Variants in ALDH7A1 observed in about 807,000 individuals in gnomAD.
ALDH7A1 encodes aldehyde dehydrogenase 7 family member A1.
In ALDH7A1, 63 loss-of-function variants were observed where a neutral mutation model predicts 79.9. That is an observed-to-expected ratio of 0.79 (90% CI 0.64 to 0.97). ALDH7A1 has a LOEUF of 0.97. ALDH7A1 is among the 50% of genes least tolerant of loss of function. The pLI is 0.00. For missense variants in ALDH7A1, 627 were observed against 665.2 expected (o/e 0.94, Z 0.63); for synonymous variants, 240 against 231.2 (o/e 1.04, Z -0.34).
chr5:126,592,531 A>G, intron 3 of ALDH7A1, 133 bp downstream of exon 3: 4 of 860,046 alleles, frequency 4.7e-6, no homozygotes, highest in South Asian at 1.5e-5. Context: ...GCCCTAGTAC[A>G]GTATCACAGC....
intron 8 of ALDH7A1, chr5:126,570,300 T>C (rs7736031): frequency 0.3 from 56,774 of 187,470 alleles, 13,545 homozygotes; most frequent in African/African-American, 0.72. Flanking sequence ...CATGATTTTA[T>C]GGTACACGAA....
At chr5:126,548,051 CAA>C (rs528981711) in intron 16 of ALDH7A1, among the ~76,000 whole-genome samples, 1 of 115,984 alleles carries the variant, frequency 8.6e-6, no homozygotes. Flanking sequence ...GATTCCGTCT[CAA>C]AAAAAAAAAA....
At position 126,544,862 on chromosome 5, in the gene ALDH7A1, T is replaced by C; in HGVS notation, c.*103A>G. On this transcript the variant is annotated 3_prime_UTR_variant, in exon 18 of 18. Coordinates refer to ENST00000409134, the MANE Select transcript of ALDH7A1 (RefSeq NM_001182.5). ...ATAGGGGGATTAGTCACTGTCACAGTCATAATAATGCATTTATTCAGGGAA... is the reference window on the plus strand; with the variant it reads ...ATAGGGGGATTAGTCACTGTCACAGCCATAATAATGCATTTATTCAGGGAA... 1.1e-6 allele frequency: 1 copy of C among 914,082 alleles called. No homozygotes were observed. The highest frequency in any genetic ancestry group is 1.8e-6 in the Non-Finnish European group (1 of 560,664). The allele number at this position is 914,082 out of a possible 1,614,324, so 56.6% of individuals were successfully genotyped here. A position where few individuals can be genotyped will look rare whatever the true frequency, so the allele number is the denominator to read the frequency against.
intron 4 of ALDH7A1, 124 bp from the exon 5 acceptor site, chr5:126,583,098 T>C (rs1751229780): frequency 8.1e-7 from 1 of 1,234,332 alleles, no homozygotes; most frequent in Non-Finnish European, 1.2e-6. Context: ...GTCTGTTTCA[T>C]TTTCCAAAGA....
At chr5:126,567,982 AC>A in intron 9 of ALDH7A1, 2 of 365,368 alleles carry the variant, frequency 5.5e-6, no homozygotes, top group Non-Finnish European at 5.3e-6. Context: ...ATGGGGTTTC[AC>A]CGTGTTAGCC....
chr5:126,576,734 T>A (rs1284944398), intron 6 of ALDH7A1, among the ~76,000 whole-genome samples: 3 of 152,062 alleles, frequency 2.0e-5, no homozygotes. Flanking sequence ...AAAACCAGCC[T>A]GGCCAACATC....
At position 126,543,683 on chromosome 5, in the gene ALDH7A1, C is replaced by T. The variant is rs548608589; in HGVS notation, c.*1282G>A. 6 of 152,338 alleles carry T rather than the reference C, an allele frequency of 3.9e-5. No individual in the cohort carries two copies. The highest frequency in any genetic ancestry group is 1.9e-4 in the East Asian group (1 of 5,186). 9.4% of individuals were successfully genotyped at this position (152,338 alleles called of 1,614,324 possible). On this transcript the variant is annotated 3_prime_UTR_variant, in exon 18 of 18. Transcript: ENST00000409134. Reference sequence around the variant, plus strand: ...CTTGTTCAAAGGCCTCTGCTCCATTCTAACCTGGCAGGAGTAGAGGGGTGC... The same window carrying T: ...CTTGTTCAAAGGCCTCTGCTCCATTTTAACCTGGCAGGAGTAGAGGGGTGC...
At chr5:126,570,511 G>T (rs560841487) in intron 8 of ALDH7A1, 225 of 399,126 alleles carry the variant, frequency 5.6e-4, no homozygotes, top group African/African-American at 4.4e-3. Flanking sequence ...GAAGTCACAG[G>T]CTGCCCCCCA....
intron 9 of ALDH7A1, chr5:126,567,975 G>C: frequency 2.8e-6 from 1 of 359,762 alleles, no homozygotes; most frequent in East Asian, 6.9e-5. Flanking sequence ...AGTAGAGATG[G>C]GGTTTCACCG....
intron 16 of ALDH7A1, among the ~76,000 whole-genome samples, chr5:126,547,668 G>A (rs931742560): frequency 1.3e-5 from 2 of 152,168 alleles, no homozygotes; most frequent in Non-Finnish European, 2.9e-5. Flanking sequence ...AATACATAAT[G>A]TCTAAAGCTT....
intron 3 of ALDH7A1, among the ~76,000 whole-genome samples, chr5:126,585,601 G>A (rs1057412294): frequency 6.6e-6 from 1 of 152,062 alleles, no homozygotes; most frequent in South Asian, 2.1e-4. Context: ...GCTCTGTCAC[G>A]CCCAGGCTTG....
At chr5:126,578,340 T>C (rs1276341797) in intron 5 of ALDH7A1, among the ~76,000 whole-genome samples, 2 of 151,656 alleles carry the variant, frequency 1.3e-5, no homozygotes, top group Non-Finnish European at 2.9e-5. Context: ...ACATTCACTA[T>C]AAGAAACTAA....
chr5:126,558,901 T>C (rs1267920959), intron 11 of ALDH7A1, among the ~76,000 whole-genome samples: 1 of 152,258 alleles, frequency 6.6e-6, no homozygotes, highest in Non-Finnish European at 1.5e-5. Context: ...TATAGTTTAA[T>C]AATTCTTTTT....
intron 1 of ALDH7A1, chr5:126,594,375 G>A (rs1418954269): frequency 2.4e-6 from 1 of 424,480 alleles, no homozygotes; most frequent in African/African-American, 2.0e-5. Context: ...ATTAAGATCA[G>A]TTGCACCGCT....
intron 9 of ALDH7A1, chr5:126,567,876 C>T (rs923200920): frequency 3.9e-6 from 1 of 253,212 alleles, no homozygotes; most frequent in African/African-American, 2.2e-5. Flanking sequence ...CTCCACCTCC[C>T]GGGTTCAGAC....
intron 16 of ALDH7A1, 106 bp downstream of exon 16, chr5:126,549,823 C>T (rs1749927107): frequency 8.7e-6 from 9 of 1,030,032 alleles, no homozygotes; most frequent in Non-Finnish European, 1.4e-5. Context: ...AAGGTTATTT[C>T]AGAATATAAG....
chr5:126,574,042 A>AAAAAG lies in ALDH7A1; in HGVS notation c.695+1373_695+1377dup, dbSNP rs1561662109. On this transcript the variant is annotated intron_variant, in intron 7 of 17. Coordinates refer to ENST00000409134, the MANE Select transcript of ALDH7A1 (RefSeq NM_001182.5). ...CTGTCTCAAAAAAAAAAAAAAAAAA[A>AAAAAG]AAAAGAAAACATATTACCCTTGCTC... Among the ~76,000 whole-genome samples, 31 of 150,834 alleles carry AAAAAG rather than the reference A, an allele frequency of 2.1e-4. 1 individual carries two copies. The highest frequency in any genetic ancestry group is 7.1e-4 in the African/African-American group (29 of 40,622).
intron 3 of ALDH7A1, chr5:126,587,469 C>T (rs1386544763): frequency 6.6e-6 from 1 of 151,722 alleles, no homozygotes; most frequent in Non-Finnish European, 1.5e-5. Context: ...GAAACCCCAT[C>T]TCTGCTAAAA....
chr5:126,580,928 G>A (rs565461190), intron 5 of ALDH7A1, among the ~76,000 whole-genome samples: 46 of 151,818 alleles, frequency 3.0e-4, no homozygotes, highest in African/African-American at 1.1e-3. Flanking sequence ...GGGTTCAAGC[G>A]ATTCTCCTGC....
Sources: allele counts gnomAD v4.1 joint callset (sites outside exome capture counted in the v4.1 genomes callset), GRCh38; gene constraint gnomAD v4.1.1; transcripts MANE v1.5; gene names NCBI Gene and HGNC (gene_info 2026-07-23, HGNC 2026-07-21).